GATD1: variants seen among roughly 807,000 people sequenced by gnomAD.
GATD1 encodes the protein glutamine amidotransferase-like class 1 domain-containing protein 1.
In GATD1, 23 loss-of-function variants were observed where a neutral mutation model predicts 25.9. The observed-to-expected ratio is 0.89, with a 90% CI of 0.64 to 1.26. GATD1 has a LOEUF of 1.26. Among genes scored for constraint, GATD1 ranks in the 50% most tolerant of loss-of-function variants. The pLI, the probability that GATD1 is intolerant of heterozygous loss-of-function variation, is 0.00. For missense variants in GATD1, 347 were observed against 312.5 expected, an observed-to-expected ratio of 1.11 and a Z score of -0.83; for synonymous variants, 177 against 134.6, an observed-to-expected ratio of 1.31 and a Z score of -2.18.
Position 772,408 on chromosome 11 carries a change from T to A in GATD1, c.450+19A>T. The A allele has an allele frequency of 6.2e-7, 1 of 1,606,790 alleles. No homozygotes were observed. The highest frequency in any genetic ancestry group is 8.5e-7 in the Non-Finnish European group (1 of 1,175,178). ...GACAGAGCAGGGAGCACAGCGTGCCTCGGCCTCCAGACACTCACCCCTGTC... is the reference window on the plus strand; with the variant it reads ...GACAGAGCAGGGAGCACAGCGTGCCACGGCCTCCAGACACTCACCCCTGTC... On this transcript the variant is annotated intron_variant, in intron 5 of 7. Transcript: ENST00000319863.
chr11:776,885 G>C (rs1014485265), intron 1 of GATD1: 5 of 152,294 alleles, frequency 3.3e-5, no homozygotes, highest in East Asian at 3.9e-4. Context: ...CCCAGGACGG[G>C]GGCCGCGGGG....
In GATD1 at chr11:770,490, G is replaced by A. The variant is rs2133608713; in HGVS notation, c.*407C>T. 1 of 1,441,336 alleles carries A rather than the reference G, an allele frequency of 6.9e-7. No individual in the cohort carries two copies. Among genetic ancestry groups the A allele is most frequent in the East Asian group, 2.5e-5 (1 of 39,906 alleles). The allele number at this position is 1,441,336 out of a possible 1,614,324, so 89.3% of individuals were successfully genotyped here. On this transcript the variant is annotated 3_prime_UTR_variant, in exon 8 of 8. Transcript: ENST00000319863. ...AAGGCCCCCACCAACAGTGAAAGAG[G>A]TGGTGGGTGGCAGACAGGCCACAGC...
Position 770,649 on chromosome 11 carries a change from G to C in GATD1, c.*248C>G. On this transcript the variant is annotated 3_prime_UTR_variant, in exon 8 of 8. Coordinates refer to ENST00000319863, the MANE Select transcript of GATD1 (RefSeq NM_182612.4). ...ACCTAGCAGCTAGCACAGCTCTCCA[G>C]GCACGTGGGGTCTTTTCTCTGCCTC... The C allele has an allele frequency of 7.0e-7, 1 of 1,419,104 alleles. No homozygotes were observed. Among genetic ancestry groups the C allele is most frequent in the Non-Finnish European group, 9.2e-7 (1 of 1,090,426 alleles). The allele number at this position is 1,419,104 out of a possible 1,614,324, so 87.9% of individuals were successfully genotyped here.
Position 767,614 on chromosome 11 carries a change from G to C in GATD1, c.*3283C>G. 4 of 1,370,540 alleles carry C rather than the reference G, an allele frequency of 2.9e-6. No individual in the cohort carries two copies. Among genetic ancestry groups the C allele is most frequent in the Non-Finnish European group, 3.8e-6 (4 of 1,064,246 alleles). 84.9% of individuals were successfully genotyped at this position (1,370,540 alleles called of 1,614,324 possible). On this transcript the variant is annotated 3_prime_UTR_variant, in exon 8 of 8. Coordinates refer to ENST00000319863, the MANE Select transcript of GATD1 (RefSeq NM_182612.4). ...GGCTCACTGGCTCTTCATGCACCCT[G>C]CTGTGGCCTGAGCACGTCCCCCCAA... is the stretch of plus-strand genomic sequence containing the variant.
chr11:767,687 G>T lies in GATD1; in HGVS notation c.*3210C>A. On this transcript the variant is annotated 3_prime_UTR_variant, in exon 8 of 8. Transcript: ENST00000319863. ...CCTGCAAGGGGATGGTATTAGGTGG[G>T]GCATTTGGGAGGTCATCCGGTCACA... 8.9e-7 allele frequency: 1 copy of T among 1,121,494 alleles called. No individual in the cohort carries two copies. Among genetic ancestry groups the T allele is most frequent in the East Asian group, 4.7e-5 (1 of 21,178 alleles). 69.5% of individuals were successfully genotyped at this position (1,121,494 alleles called of 1,614,324 possible).
rs1218125763 is a variant in GATD1, at chr11:769,961, T to C, written c.*936A>G. The stretch of plus-strand genomic sequence containing the variant: ...CACAAGGGGCCTCCTGGCAGGTCAC[T>C]GGCACCAGGAGCCACGCTGGTGCTT... On this transcript the variant is annotated 3_prime_UTR_variant, in exon 8 of 8. Transcript: ENST00000319863. 13 of 1,014,234 alleles carry C rather than the reference T, an allele frequency of 1.3e-5. No individual in the cohort carries two copies. The highest frequency in any genetic ancestry group is 1.5e-5 in the Non-Finnish European group (13 of 849,222). The allele number at this position is 1,014,234 out of a possible 1,614,324, so 62.8% of individuals were successfully genotyped here.
At position 769,121 on chromosome 11, in the gene GATD1, A is replaced by G. The variant is rs1226754937; in HGVS notation, c.*1776T>C. On this transcript the variant is annotated 3_prime_UTR_variant, in exon 8 of 8. Transcript: ENST00000319863. Reference sequence around the variant, plus strand: ...CATCTCAAAAAATAAATAAAATAAAAAGCATTTGTCCACAGAGGTCCATCA... The same window carrying G: ...CATCTCAAAAAATAAATAAAATAAAGAGCATTTGTCCACAGAGGTCCATCA... 6.6e-6 allele frequency: 6 copies of G among 905,930 alleles called. No homozygotes were observed. The African/African-American group carries it at 1.2e-4, about 18-fold the overall frequency. The allele number at this position is 905,930 out of a possible 1,614,324, so 56.1% of individuals were successfully genotyped here.
Position 767,448 on chromosome 11 carries a change from C to T in GATD1, c.*3449G>A, listed in dbSNP as rs1367789296. On this transcript the variant is annotated 3_prime_UTR_variant, in exon 8 of 8. Transcript: ENST00000319863. ...CCTCGCACGCAGCTGAGGAATGACG[C>T]AGGGGCCTGCAGGCAGCTCACGCGG... is the stretch of plus-strand genomic sequence containing the variant. The T allele has an allele frequency of 6.8e-7, 1 of 1,470,100 alleles. No individual in the cohort carries two copies. Among genetic ancestry groups the T allele is most frequent in the East Asian group, 2.5e-5 (1 of 40,278 alleles). The allele number at this position is 1,470,100 out of a possible 1,614,324, so 91.1% of individuals were successfully genotyped here.
intron 2 of GATD1, among the ~76,000 whole-genome samples, chr11:774,374 A>G (rs1004344094): frequency 1.3e-5 from 2 of 152,252 alleles, no homozygotes; most frequent in Admixed American, 1.3e-4. Context: ...AGTGACAAAT[A>G]CATAATGCAT....
rs1308592946 is a variant in GATD1 at position 770,987 on chromosome 11, C to T, written c.656+6G>A. The T allele has an allele frequency of 6.2e-7, 1 of 1,613,404 alleles. No individual in the cohort carries two copies. The highest frequency in any genetic ancestry group is 8.5e-7 in the Non-Finnish European group (1 of 1,180,016). On this transcript the variant is annotated splice_donor_region_variant and intron_variant, in intron 7 of 7. Coordinates refer to ENST00000319863, the MANE Select transcript of GATD1 (RefSeq NM_182612.4). ...GGCAGGAATGTGCCCACCCTGGTGC[C>T]CTCACCGGCTGCCACAGAGGAAGAG...
rs1565003807 is a variant in GATD1 at position 770,339 on chromosome 11, TTTC to T, written c.*555_*557del. 3.3e-6 allele frequency: 5 copies of T among 1,534,366 alleles called. No homozygotes were observed. In the South Asian group the frequency reaches 6.0e-5, roughly 18 times the overall value. On this transcript the variant is annotated 3_prime_UTR_variant, in exon 8 of 8. Transcript: ENST00000319863. ...ACTTTGAAACCACACGCCAGGAAGATTTCTTCAACAGGAAAGTGCTGCCAGTGC... is the reference window on the plus strand; with the variant it reads ...ACTTTGAAACCACACGCCAGGAAGATTTCAACAGGAAAGTGCTGCCAGTGC...
At position 770,534 on chromosome 11, in the gene GATD1, G is replaced by C; in HGVS notation, c.*363C>G. On this transcript the variant is annotated 3_prime_UTR_variant, in exon 8 of 8. Coordinates refer to ENST00000319863, the MANE Select transcript of GATD1 (RefSeq NM_182612.4). ...CCACAGCAGGGCAAACCCACACAGA[G>C]GACCCCCGAGCCGACTCTGTCTAGT... 1 of 1,414,082 alleles carries C rather than the reference G, an allele frequency of 7.1e-7. No homozygotes were observed. Among genetic ancestry groups the C allele is most frequent in the Non-Finnish European group, 9.2e-7 (1 of 1,085,886 alleles). The allele number at this position is 1,414,082 out of a possible 1,614,324, so 87.6% of individuals were successfully genotyped here.
Position 777,415 on chromosome 11 carries a change from G to T in GATD1, c.48C>A (p.Ala16=). ...GGGCCTCACCTTCGGCGGCGCCGCT[G>T]GCCACGAGCAGACAGGCGGGCCTGT... The part of the protein sequence containing the change: ...LPNRPACLLV[A]SGAAEGVSAQ... The change falls in exon 1 of 8, where the codon GCC becomes GCA. Residue 16 remains alanine (A), a synonymous_variant. Coordinates refer to ENST00000319863, the MANE Select transcript of GATD1 (RefSeq NM_182612.4). The T allele has an allele frequency of 7.7e-7, 1 of 1,294,570 alleles. No homozygotes were observed. The highest frequency in any genetic ancestry group is 2.1e-5 in the South Asian group (1 of 46,994). 80.2% of individuals were successfully genotyped at this position (1,294,570 alleles called of 1,614,324 possible).
rs1863324128 is a variant in GATD1 at position 770,388 on chromosome 11, G to A, written c.*509C>T. ...AGTGCCGGTCGGCCTTGGGGCAGGA[G>A]GCTGCTGCTCCTAAAAAATTCCGTT... is the stretch of plus-strand genomic sequence containing the variant. On this transcript the variant is annotated 3_prime_UTR_variant, in exon 8 of 8. Transcript: ENST00000319863. The A allele has an allele frequency of 2.6e-6, 4 of 1,529,032 alleles. No homozygotes were observed. The highest frequency in any genetic ancestry group is 1.2e-5 in the South Asian group (1 of 83,632). 94.7% of individuals were successfully genotyped at this position (1,529,032 alleles called of 1,614,324 possible). A position where few individuals can be genotyped will look rare whatever the true frequency, so the allele number is the denominator to read the frequency against.
At chr11:773,744 G>A (rs1343776817) in intron 3 of GATD1, 115 bp from the exon 4 acceptor site, 1 of 782,318 alleles carries the variant, frequency 1.3e-6, no homozygotes, top group Non-Finnish European at 2.1e-6. Context: ...CCAGCCTGGT[G>A]ATGTCATCTG....
intron 1 of GATD1, 105 bp downstream of exon 1, chr11:777,294 C>A: frequency 2.1e-6 from 2 of 951,472 alleles, no homozygotes; most frequent in Non-Finnish European, 2.7e-6. Flanking sequence ...GCGGCCTCGG[C>A]CTCCGGCGCC....
Position 777,390 on chromosome 11 carries a change from G to T in GATD1, c.64+9C>A, listed in dbSNP as rs57751948. On this transcript the variant is annotated intron_variant, in intron 1 of 7. Coordinates refer to ENST00000319863, the MANE Select transcript of GATD1 (RefSeq NM_182612.4). ...TCTTCGGACACTGGCCCCGGCCGCC[G>T]GGCCTCACCTTCGGCGGCGCCGCTG... The T allele has an allele frequency of 2.1e-5, 27 of 1,295,708 alleles. No homozygotes were observed. The highest frequency in any genetic ancestry group is 3.6e-5 in the Admixed American group (1 of 27,484). The allele number at this position is 1,295,708 out of a possible 1,614,324, so 80.3% of individuals were successfully genotyped here. A position where few individuals can be genotyped will look rare whatever the true frequency, so the allele number is the denominator to read the frequency against.
rs1863344608 is a variant in GATD1 at position 770,636 on chromosome 11, G to A, written c.*261C>T. 7.0e-7 allele frequency: 1 copy of A among 1,419,402 alleles called. No individual in the cohort carries two copies. 87.9% of individuals were successfully genotyped at this position (1,419,402 alleles called of 1,614,324 possible). A position where few individuals can be genotyped will look rare whatever the true frequency, so the allele number is the denominator to read the frequency against. Reference sequence around the variant, plus strand: ...ATTCCCGAGGACCACCTAGCAGCTAGCACAGCTCTCCAGGCACGTGGGGTC... The same window carrying A: ...ATTCCCGAGGACCACCTAGCAGCTAACACAGCTCTCCAGGCACGTGGGGTC... On this transcript the variant is annotated 3_prime_UTR_variant, in exon 8 of 8. Transcript: ENST00000319863.
intron 4 of GATD1, 51 bp from the exon 5 acceptor site, chr11:772,572 G>A (rs747005295): frequency 6.5e-7 from 1 of 1,538,172 alleles, no homozygotes; most frequent in Admixed American, 1.7e-5. Context: ...CCCGCACCCT[G>A]AAGCCCCTCC....
Sources: gnomAD v4.1 joint callset for allele counts (sites outside exome capture counted in the v4.1 genomes callset) on GRCh38, gnomAD v4.1.1 for gene constraint, MANE v1.5 for transcripts, NCBI Gene and HGNC (gene_info 2026-07-23, HGNC 2026-07-21) for gene names.